The following BRI3 variants were observed in gnomAD, a reference collection of about 807,000 sequenced individuals.
BRI3 encodes brain protein I3.
BRI3 carries 6 observed loss-of-function variants against 12.8 expected under a neutral mutation model. That is an observed-to-expected ratio of 0.47 (90% CI 0.26 to 0.93). The LOEUF (loss-of-function observed/expected upper bound fraction) is 0.93, where lower values mean the gene tolerates loss of function less well. BRI3 is among the 40% of genes least tolerant of loss of function. BRI3 has a pLI of 0.15. For missense variants in BRI3, 134 were observed against 171.1 expected (o/e 0.78, Z 1.21); for synonymous variants, 91 against 76.1 (o/e 1.20, Z -1.02).
At position 98,281,902 on chromosome 7, in the gene BRI3, CG is replaced by C; in HGVS notation, c.108del (p.Pro38ArgfsTer38). ...GPHGYGAIPAAPPPPPYPYLV... is the reference protein window; with the variant it reads ...GPHGYGAIPAXPPPPPYPYLV... Reference sequence around the variant, plus strand: ...CACGGCTACGGCGCCATCCCCGCCGCGCCCCCGCCGCCGCCCTACCCCTACC... The same window carrying C: ...CACGGCTACGGCGCCATCCCCGCCGCCCCCCGCCGCCGCCCTACCCCTACC... On this transcript the variant is annotated frameshift_variant, in exon 1 of 3. Coordinates refer to ENST00000297290, the MANE Select transcript of BRI3 (RefSeq NM_015379.5). LOFTEE classifies it high-confidence loss of function. 7.7e-7 allele frequency: 1 copy of C among 1,297,836 alleles called. No homozygotes were observed. Among genetic ancestry groups the C allele is most frequent in the Non-Finnish European group, 9.8e-7 (1 of 1,023,134 alleles). The allele number at this position is 1,297,836 out of a possible 1,614,324, so 80.4% of individuals were successfully genotyped here.
chr7:98,305,056 T>TTG (rs1554410679), upstream of BRI3, among the ~76,000 whole-genome samples: 1 of 141,694 alleles, frequency 7.1e-6, no homozygotes, highest in Admixed American at 6.9e-5. Context: ...TGTTTTTTTT[T>TTG]TTTTTTTTTT....
upstream of BRI3, chr7:98,304,513 GAC>G (rs1800557684): frequency 1.6e-5 from 14 of 861,916 alleles, no homozygotes; most frequent in South Asian, 2.1e-4. Context: ...CACACACACA[GAC>G]ACACACAGTA....
At chr7:98,305,321 T>TAAA (rs10708312), upstream of BRI3, among the ~76,000 whole-genome samples, 3 of 148,142 alleles carry the variant, frequency 2.0e-5, no homozygotes, top group South Asian at 6.4e-4. Context: ...AGCTAAGAGT[T>TAAA]AAAAAAAAAA....
chr7:98,317,373 T>C, the BRI3 span: 18 of 1,611,900 alleles, frequency 1.1e-5, no homozygotes, highest in Non-Finnish European at 1.4e-5. Context: ...GTTAAATGGC[T>C]GTGCTTATTT....
downstream of BRI3, among the ~76,000 whole-genome samples, chr7:98,295,245 G>A (rs114683609): frequency 0.012 from 1,762 of 152,316 alleles, 39 homozygotes; most frequent in African/African-American, 0.041. Flanking sequence ...ACAGGCTGTG[G>A]AGACGGAAGG....
chr7:98,286,464 A>G (rs1799713707), intron 2 of BRI3, among the ~76,000 whole-genome samples: 1 of 152,264 alleles, frequency 6.6e-6, no homozygotes, highest in South Asian at 2.1e-4. Context: ...TTGCACAAGA[A>G]TGGGGGAGGG....
At chr7:98,307,294 T>G (rs1444220700) in intron 1 of BRI3, 14 of 603,884 alleles carry the variant, frequency 2.3e-5, no homozygotes, top group Non-Finnish European at 3.0e-5. Context: ...TTCGTAGAGA[T>G]GGGGTTTCAC....
At position 98,300,990 on chromosome 7, in the gene BRI3, C is replaced by T. The variant is rs916925234; in HGVS notation, c.72-5493C>T. On this transcript the variant is annotated intron_variant and NMD_transcript_variant, in intron 1 of 2. Coordinates refer to the BRI3 transcript ENST00000491463. ...CCTTGTCCTCACCCCATGCATCGAG[C>T]GCTCCCTGGACTCCACCCCTGCGTG... Among the ~76,000 whole-genome samples the T allele has an allele frequency of 6.6e-5, 10 of 152,176 alleles. No homozygotes were observed. The East Asian group carries it at 9.7e-4, about 15-fold the overall frequency.
At chr7:98,312,233 C>T (rs369904739), downstream of BRI3, 34 of 1,613,026 alleles carry the variant, frequency 2.1e-5, no homozygotes, top group Middle Eastern at 1.6e-4. Context: ...CTCCTGCCAC[C>T]GAGGCAGCTT....
intron 2 of BRI3, among the ~76,000 whole-genome samples, chr7:98,290,566 T>G (rs1249805055): frequency 6.6e-6 from 1 of 152,002 alleles, no homozygotes; most frequent in Non-Finnish European, 1.5e-5. Flanking sequence ...TGGCTTAATC[T>G]CGGCTCACTG....
At chr7:98,300,513 G>A (rs559308282) in intron 1 of BRI3, among the ~76,000 whole-genome samples, 1 of 152,206 alleles carries the variant, frequency 6.6e-6, no homozygotes, top group Non-Finnish European at 1.5e-5. Context: ...TCAGGAAAGC[G>A]TACTGATGTG....
Position 98,291,514 on chromosome 7 carries a change from T to G in BRI3, c.*271T>G. The G allele has an allele frequency of 8.0e-7, 1 of 1,243,220 alleles. No homozygotes were observed. 77.0% of individuals were successfully genotyped at this position (1,243,220 alleles called of 1,614,324 possible). ...GAAATAATGTTTTCAATAAATGAGA[T>G]TCATACCATTGTTGACCTGGTGCTG... On this transcript the variant is annotated 3_prime_UTR_variant, in exon 3 of 3. Coordinates refer to ENST00000297290, the MANE Select transcript of BRI3 (RefSeq NM_015379.5).
downstream of BRI3, chr7:98,312,227 T>C (rs747498394): frequency 6.2e-7 from 1 of 1,613,662 alleles, no homozygotes. Context: ...ACAGGTCTCC[T>C]GCCACCGAGG....
downstream of BRI3, chr7:98,291,614 C>G (rs1020396010): frequency 1.7e-5 from 13 of 745,440 alleles, no homozygotes; most frequent in East Asian, 1.0e-4. Context: ...GTCCTGACCA[C>G]AGTTGTATTC....
At chr7:98,318,259 C>T in the BRI3 span, among the ~76,000 whole-genome samples, 1 of 152,214 alleles carries the variant, frequency 6.6e-6, no homozygotes, top group African/African-American at 2.4e-5. Flanking sequence ...TCCTCAAAGG[C>T]TTTTTGATGC....
At chr7:98,293,986 C>T (rs971920027), downstream of BRI3, 165 of 1,457,044 alleles carry the variant, frequency 1.1e-4, no homozygotes, top group Non-Finnish European at 1.4e-4. Flanking sequence ...GCTGGACCCC[C>T]TGGGCTGGGC....
chr7:98,287,179 C>T (rs1470840154), intron 2 of BRI3, among the ~76,000 whole-genome samples: 1 of 152,256 alleles, frequency 6.6e-6, no homozygotes, highest in Non-Finnish European at 1.5e-5. Flanking sequence ...CCGGGCGGCA[C>T]TGCAGGGAAA....
At chr7:98,298,567 G>C (rs1800286852) in intron 1 of BRI3, among the ~76,000 whole-genome samples, 1 of 151,842 alleles carries the variant, frequency 6.6e-6, no homozygotes, top group African/African-American at 2.4e-5. Context: ...GAGCCGAGAT[G>C]GTGCCACTGC....
At chr7:98,306,868 A>G in intron 1 of BRI3, 1 of 246,936 alleles carries the variant, frequency 4.0e-6, no homozygotes, top group South Asian at 5.9e-5. Flanking sequence ...CACCATGCCT[A>G]GCTAAAAAGC....
Sources: gnomAD v4.1 joint callset for allele counts (sites outside exome capture counted in the v4.1 genomes callset) on GRCh38, gnomAD v4.1.1 for gene constraint, MANE v1.5 for transcripts, NCBI Gene and HGNC (gene_info 2026-07-23, HGNC 2026-07-21) for gene names.